TDG: variants seen among roughly 807,000 people sequenced by gnomAD.
The protein encoded by TDG is thymine DNA glycosylase, also known as G/T mismatch-specific thymine DNA glycosylase.
Under a neutral mutation model 46.1 loss-of-function variants are expected in TDG, and 23 were observed. The ratio of observed to expected loss-of-function variants is 0.50; its 90% CI spans 0.36 to 0.71. The LOEUF (loss-of-function observed/expected upper bound fraction) is 0.71, where lower values mean the gene tolerates loss of function less well. TDG is among the 30% of genes least tolerant of loss of function. TDG has a pLI of 0.00. For synonymous variants in TDG, 115 were observed against 161.3 expected (o/e 0.71, Z 2.18); for missense variants, 304 against 486.7 (o/e 0.62, Z 3.53).
At chr12:103,976,411 CA>C (rs1871543301) in intron 1 of TDG, among the ~76,000 whole-genome samples, 57 of 131,346 alleles carry the variant, frequency 4.3e-4, no homozygotes, top group South Asian at 4.2e-3. Context: ...TGTCTCCCCA[CA>C]CACACACACA....
chr12:103,981,231 T>G (rs1451621222), intron 4 of TDG, among the ~76,000 whole-genome samples: 3 of 141,832 alleles, frequency 2.1e-5, no homozygotes, highest in Admixed American at 1.4e-4. Flanking sequence ...TACTACTTTT[T>G]TTTTTTTTTT....
Position 103,976,973 on chromosome 12 carries a change from G to A in TDG, c.79G>A (p.Ala27Thr). The A allele has an allele frequency of 6.2e-7, 1 of 1,613,912 alleles. No homozygotes were observed. Among genetic ancestry groups the A allele is most frequent in the African/African-American group, 1.3e-5 (1 of 75,038 alleles). Reference sequence around the variant, plus strand: ...TACGTTTCCATTTCAACAACTGATGGCTGAAGCTCCTAATATGGCAGTTGT... The same window carrying A: ...TACGTTTCCATTTCAACAACTGATGACTGAAGCTCCTAATATGGCAGTTGT... Reference protein sequence around the residue: ...FYTFPFQQLMAEAPNMAVVNE... With the variant: ...FYTFPFQQLMTEAPNMAVVNE... Residue 27 changes from alanine (A) to threonine (T), a missense_variant, in exon 2 of 10, where the codon GCT (alanine) becomes ACT (threonine). By Grantham distance (58) the Ala-to-Thr change is moderately conservative. Coordinates refer to ENST00000392872, the MANE Select transcript of TDG (RefSeq NM_003211.6).
intron 8 of TDG, among the ~76,000 whole-genome samples, 182 bp downstream of exon 8, chr12:103,985,102 TATAC>T (rs1872063582): frequency 6.6e-6 from 1 of 151,840 alleles, no homozygotes; most frequent in Admixed American, 6.6e-5. Context: ...TGTATGTCTA[TATAC>T]ATATATGTGT....
At chr12:103,985,148 TG>T (rs1725205567) in intron 8 of TDG, among the ~76,000 whole-genome samples, 2 of 135,406 alleles carry the variant, frequency 1.5e-5, no homozygotes, top group African/African-American at 5.5e-5. Context: ...CATATGTGTG[TG>T]TCTATATATA....
chr12:103,970,307 A>C (rs983842037), intron 1 of TDG, among the ~76,000 whole-genome samples: 1 of 152,158 alleles, frequency 6.6e-6, no homozygotes, highest in Non-Finnish European at 1.5e-5. Flanking sequence ...GTGAAGCCCC[A>C]TCTCTACAAA....
intron 1 of TDG, among the ~76,000 whole-genome samples, chr12:103,970,851 G>T (rs1871255285): frequency 6.6e-6 from 1 of 152,056 alleles, no homozygotes; most frequent in African/African-American, 2.4e-5. Context: ...TTTTGAGAAA[G>T]ACTATCAGAA....
At chr12:103,968,633 CAG>C (rs1871164451) in intron 1 of TDG, among the ~76,000 whole-genome samples, 1 of 152,186 alleles carries the variant, frequency 6.6e-6, no homozygotes, top group African/African-American at 2.4e-5. Flanking sequence ...GGTGTTCTAA[CAG>C]AATCATATGC....
At chr12:103,979,803 G>T in intron 2 of TDG, 28 bp from the exon 3 acceptor site, 1 of 1,537,814 alleles carries the variant, frequency 6.5e-7, no homozygotes, top group South Asian at 1.3e-5. Flanking sequence ...AAGATTTTCT[G>T]CATTTCTGGA....
At chr12:103,973,087 T>TTTTTTTTC in intron 1 of TDG, 1 of 478,872 alleles carries the variant, frequency 2.1e-6, no homozygotes, top group Non-Finnish European at 3.7e-6. Flanking sequence ...GTTTCATACA[T>TTTTTTTTC]TTTTTTTTTT....
intron 1 of TDG, among the ~76,000 whole-genome samples, chr12:103,976,483 G>A (rs1457256492): frequency 6.6e-6 from 1 of 151,750 alleles, no homozygotes; most frequent in East Asian, 1.9e-4. Context: ...TAAACTAAAA[G>A]AGAATCTTAA....
In TDG at chr12:103,979,473, G is replaced by A. The variant is rs976557842; in HGVS notation, c.167-358G>A. Among the ~76,000 whole-genome samples, 10 of 151,958 alleles carry A rather than the reference G, an allele frequency of 6.6e-5. No homozygotes were observed. The South Asian group carries it at 8.3e-4, about 13-fold the overall frequency. On this transcript the variant is annotated intron_variant, in intron 2 of 9. Coordinates refer to ENST00000392872, the MANE Select transcript of TDG (RefSeq NM_003211.6). ...TTCCTTCCTGTTTCTCTATTTTTCT[G>A]TTCTTATTTAATTATTTATGTATTT... is the stretch of plus-strand genomic sequence containing the variant.
chr12:103,973,679 A>C (rs1360198126), intron 1 of TDG, among the ~76,000 whole-genome samples: 1 of 152,216 alleles, frequency 6.6e-6, no homozygotes, highest in Non-Finnish European at 1.5e-5. Flanking sequence ...CTATGGAAAA[A>C]AAGGACATTT....
chr12:103,970,748 TAA>T (rs35491659), intron 1 of TDG, among the ~76,000 whole-genome samples: 30 of 150,564 alleles, frequency 2.0e-4, no homozygotes, highest in Non-Finnish European at 2.5e-4. Context: ...CCCCATCTCT[TAA>T]AAAAAAAATA....
chr12:103,968,232 C>T (rs1347857019), intron 1 of TDG, among the ~76,000 whole-genome samples: 1 of 152,108 alleles, frequency 6.6e-6, no homozygotes, highest in Non-Finnish European at 1.5e-5. Context: ...TGGGGAGTTT[C>T]CCGTGACCTC....
At chr12:103,986,728 A>AT (rs1872172165) in intron 9 of TDG, 1 of 424,770 alleles carries the variant, frequency 2.4e-6, no homozygotes, top group East Asian at 3.6e-5. Flanking sequence ...GAAAAAAAAA[A>AT]ACTTCAAATA....
chr12:103,972,291 G>C (rs1871321843), intron 1 of TDG, among the ~76,000 whole-genome samples: 1 of 152,098 alleles, frequency 6.6e-6, no homozygotes, highest in Non-Finnish European at 1.5e-5. Context: ...ACTAAGTTTT[G>C]TATTTTTAGT....
chr12:103,972,822 G>T, intron 1 of TDG: 3 of 457,070 alleles, frequency 6.6e-6, no homozygotes, highest in Non-Finnish European at 7.7e-6. Context: ...CTAGAATTTT[G>T]ATTTTCAGCT....
At chr12:103,977,085 A>G in intron 2 of TDG, 25 bp downstream of exon 2, 2 of 1,588,546 alleles carry the variant, frequency 1.3e-6, no homozygotes, top group Non-Finnish European at 1.7e-6. Context: ...AGAGCTTAGA[A>G]AGTTCAACAT....
chr12:103,972,804 TG>T (rs1871342876), intron 1 of TDG, among the ~76,000 whole-genome samples: 1 of 152,240 alleles, frequency 6.6e-6, no homozygotes, highest in Non-Finnish European at 1.5e-5. Context: ...TTCAGCCAAC[TG>T]TGATTTCTAG....
Sources: allele counts gnomAD v4.1 joint callset (sites outside exome capture counted in the v4.1 genomes callset), GRCh38; gene constraint gnomAD v4.1.1; transcripts MANE v1.5; gene names NCBI Gene and HGNC (gene_info 2026-07-23, HGNC 2026-07-21).